TPT1: variants seen among roughly 807,000 people sequenced by gnomAD.
The protein encoded by TPT1 is tumor protein, translationally-controlled 1.
In TPT1, 5 loss-of-function variants were observed where a neutral mutation model predicts 22.8. The observed-to-expected ratio is 0.22, with a 90% CI of 0.11 to 0.46. TPT1 has a LOEUF of 0.46. TPT1 is among the 20% of genes least tolerant of loss of function. The pLI is 0.99. For missense variants in TPT1, 130 were observed against 218.7 expected, an observed-to-expected ratio of 0.59 and a Z score of 2.56; for synonymous variants, 89 against 73.6, an observed-to-expected ratio of 1.21 and a Z score of -1.07.
chr13:45,340,525 G>A (rs1483961477), intron 2 of TPT1, 187 bp downstream of exon 2: 2 of 805,590 alleles, frequency 2.5e-6, no homozygotes, highest in African/African-American at 3.4e-5. Context: ...GAGGATGGGC[G>A]CCGAGGCGGC....
At position 45,336,084 on chromosome 13, in the gene TPT1, A is replaced by T. The variant is rs1476695867; in HGVS notation, c.*1302T>A. 6.6e-6 allele frequency: 1 copy of T among 152,208 alleles called. No individual in the cohort carries two copies. The highest frequency in any genetic ancestry group is 1.5e-5 in the Non-Finnish European group (1 of 68,058). The allele number at this position is 152,208 out of a possible 1,614,324, so 9.4% of individuals were successfully genotyped here. Reference sequence around the variant, plus strand: ...CACTTTGGGAGGCTGAGGTGGGCAGATCTCCTTGAGCCCAGGAGTTGAGAC... The same window carrying T: ...CACTTTGGGAGGCTGAGGTGGGCAGTTCTCCTTGAGCCCAGGAGTTGAGAC... On this transcript the variant is annotated 3_prime_UTR_variant, in exon 6 of 6. Transcript: ENST00000530705.
At chr13:45,339,449 G>A (rs1878932464) in intron 4 of TPT1, 48 bp downstream of exon 4, 1 of 1,517,098 alleles carries the variant, frequency 6.6e-7, no homozygotes, top group African/African-American at 1.4e-5. Flanking sequence ...TTTTGCTCTT[G>A]CAGTTAAAAT....
intron 5 of TPT1, chr13:45,338,446 G>A (rs1878859914): frequency 5.3e-6 from 5 of 937,696 alleles, no homozygotes; most frequent in East Asian, 2.9e-5. Context: ...TGCCCCATCT[G>A]CACTCAACGT....
intron 5 of TPT1, chr13:45,337,664 C>T: frequency 9.3e-7 from 1 of 1,075,908 alleles, no homozygotes; most frequent in Non-Finnish European, 1.4e-6. Context: ...TGGCATGTAC[C>T]ACCCACACCC....
chr13:45,334,451 T>C lies in TPT1; in HGVS notation c.*2935A>G, dbSNP rs1878550471. ...TCTATATAGTTCTCCAGCTTAGACT[T>C]CTCTGAAGAATCAGCATCTCAAACT... On this transcript the variant is annotated 3_prime_UTR_variant, in exon 6 of 6. Transcript: ENST00000530705. 6.6e-6 allele frequency: 1 copy of C among 152,220 alleles called. No homozygotes were observed. Among genetic ancestry groups the C allele is most frequent in the Admixed American group, 6.5e-5 (1 of 15,288 alleles). 9.4% of individuals were successfully genotyped at this position (152,220 alleles called of 1,614,324 possible). A position where few individuals can be genotyped will look rare whatever the true frequency, so the allele number is the denominator to read the frequency against.
intron 5 of TPT1, chr13:45,338,198 T>C (rs560870643): frequency 4.1e-5 from 7 of 172,262 alleles, no homozygotes; most frequent in Non-Finnish European, 8.6e-5. Flanking sequence ...CTCTGCTCAC[T>C]GCAACCCCCC....
Position 45,341,130 on chromosome 13 carries a change from G to C in TPT1, c.-61C>G, listed in dbSNP as rs566905872. 3.1e-6 allele frequency: 5 copies of C among 1,601,202 alleles called. No individual in the cohort carries two copies. In the Admixed American group the frequency reaches 6.9e-5, roughly 22 times the overall value. ...TTAGCACGAGCCTGAAACTCGGAGCGAGCGCGGTGCAGCCGGAGCGGCGCT... is the reference window on the plus strand; with the variant it reads ...TTAGCACGAGCCTGAAACTCGGAGCCAGCGCGGTGCAGCCGGAGCGGCGCT... On this transcript the variant is annotated 5_prime_UTR_variant, in exon 1 of 6. Transcript: ENST00000530705.
intron 5 of TPT1, chr13:45,338,059 G>A (rs577654410): frequency 6.6e-4 from 107 of 161,916 alleles, no homozygotes; most frequent in Non-Finnish European, 1.2e-3. Flanking sequence ...TGATTATGAA[G>A]TGAAAGTGAG....
chr13:45,339,407 C>T (rs1366664556), intron 4 of TPT1, 90 bp downstream of exon 4: 1 of 1,124,858 alleles, frequency 8.9e-7, no homozygotes, highest in East Asian at 2.5e-5. Context: ...ACCTGGAATA[C>T]TAGTATAGAA....
At chr13:45,339,846 A>T in intron 3 of TPT1, 148 bp downstream of exon 3, 1 of 929,512 alleles carries the variant, frequency 1.1e-6, no homozygotes, top group Non-Finnish European at 1.6e-6. Context: ...TATTATAGAA[A>T]AGCAACCACT....
At chr13:45,338,965 T>G in intron 4 of TPT1, 189 bp from the exon 5 acceptor site, 1 of 493,238 alleles carries the variant, frequency 2.0e-6, no homozygotes, top group South Asian at 3.7e-5. Flanking sequence ...GTGACCTAAA[T>G]AGAAAAATAA....
intron 1 of TPT1, 113 bp downstream of exon 1, chr13:45,340,929 C>A: frequency 6.5e-7 from 1 of 1,528,534 alleles, no homozygotes; most frequent in Non-Finnish European, 8.8e-7. Flanking sequence ...CCCCTCCGCG[C>A]TCGGCTAAGA....
At chr13:45,340,349 A>G (rs1879008653) in intron 2 of TPT1, 165 bp from the exon 3 acceptor site, 2 of 1,008,522 alleles carry the variant, frequency 2.0e-6, no homozygotes, top group Non-Finnish European at 3.0e-6. Flanking sequence ...AAAACGACCT[A>G]ACTTAAAAGA....
intron 2 of TPT1, 37 bp downstream of exon 2, chr13:45,340,675 G>C: frequency 1.3e-6 from 2 of 1,559,300 alleles, no homozygotes; most frequent in Non-Finnish European, 1.7e-6. Context: ...AGCCCGCTCG[G>C]CCCGGACTCC....
intron 5 of TPT1, chr13:45,337,659 T>G (rs1408703850): frequency 1.7e-6 from 2 of 1,173,458 alleles, no homozygotes; most frequent in Non-Finnish European, 2.5e-6. Flanking sequence ...GGCTGTGGCA[T>G]GTACCACCCA....
chr13:45,339,984 T>TA lies in TPT1; in HGVS notation c.293+9dup. 1 of 1,613,772 alleles carries TA rather than the reference T, an allele frequency of 6.2e-7. No individual in the cohort carries two copies. Among genetic ancestry groups the TA allele is most frequent in the Non-Finnish European group, 8.5e-7 (1 of 1,179,718 alleles). ...CTAGACATCAGCTAGGTACTGCCAG[T>TA]ATCACTTACGATTTCATGTAATCTT... On this transcript the variant is annotated intron_variant, in intron 3 of 5. Coordinates refer to ENST00000530705, the MANE Select transcript of TPT1 (RefSeq NM_003295.4).
intron 2 of TPT1, 153 bp downstream of exon 2, chr13:45,340,559 C>T (rs751560572): frequency 9.3e-6 from 9 of 971,756 alleles, no homozygotes; most frequent in African/African-American, 1.6e-5. Flanking sequence ...GGATCAGCTC[C>T]GCCTCCAGTT....
chr13:45,337,638 A>C, intron 5 of TPT1: 52 of 1,441,382 alleles, frequency 3.6e-5, no homozygotes, highest in Middle Eastern at 1.7e-4. Context: ...GCGGTAGCTC[A>C]TTTTTCAGAA....
Position 45,335,839 on chromosome 13 carries a change from CATT to C in TPT1, c.*1544_*1546del, listed in dbSNP as rs557645654. 104 of 152,342 alleles carry C rather than the reference CATT, an allele frequency of 6.8e-4. No individual in the cohort carries two copies. The highest frequency in any genetic ancestry group is 2.1e-3 in the African/African-American group (89 of 41,554). The allele number at this position is 152,342 out of a possible 1,614,324, so 9.4% of individuals were successfully genotyped here. On this transcript the variant is annotated 3_prime_UTR_variant, in exon 6 of 6. Coordinates refer to ENST00000530705, the MANE Select transcript of TPT1 (RefSeq NM_003295.4). The stretch of plus-strand genomic sequence containing the variant: ...CCAATCACGGGGTGCTGGGGGTTAA[CATT>C]AGTATCTGCCTCAGGTTTTGGACAC...
Sources: gnomAD v4.1 joint callset for allele counts on GRCh38, gnomAD v4.1.1 for gene constraint, MANE v1.5 for transcripts, NCBI Gene and HGNC (gene_info 2026-07-23, HGNC 2026-07-21) for gene names.